CDH13: variants seen among roughly 807,000 people sequenced by gnomAD.
CDH13 encodes cadherin-13.
A neutral mutation model predicts 63.8 loss-of-function variants in CDH13; 24 were observed. That is an observed-to-expected ratio of 0.38 (90% CI 0.27 to 0.53). The LOEUF is 0.53. Ranked by LOEUF, CDH13 falls within the 20% of genes least tolerant of loss-of-function variation. The pLI is 0.85. For synonymous variants in CDH13, 503 were observed against 355.3 expected (o/e 1.42, Z -4.67); for missense variants, 1,049 against 903.1 (o/e 1.16, Z -2.07).
At chr16:83,373,892 G>A (rs956940172) in intron 6 of CDH13, among the ~76,000 whole-genome samples, 1 of 152,132 alleles carries the variant, frequency 6.6e-6, no homozygotes, top group Non-Finnish European at 1.5e-5. Context: ...ACCAGCATGG[G>A]ATACATCCAA....
At chr16:83,575,071 A>G (rs1007493764) in intron 7 of CDH13, among the ~76,000 whole-genome samples, 1 of 152,196 alleles carries the variant, frequency 6.6e-6, no homozygotes, top group African/African-American at 2.4e-5. Flanking sequence ...CATAAAAATG[A>G]ACGAAGCACT....
At chr16:83,694,779 C>T (rs1905216815) in intron 10 of CDH13, among the ~76,000 whole-genome samples, 1 of 152,138 alleles carries the variant, frequency 6.6e-6, no homozygotes, top group Admixed American at 6.5e-5. Context: ...GGCACTCTGC[C>T]CCAATACCTC....
rs1915659665 is a variant in CDH13 at position 83,783,330 on chromosome 16, A to G, written c.1992A>G (p.Ser664=). The G allele has an allele frequency of 6.2e-7, 1 of 1,613,992 alleles. No homozygotes were observed. The highest frequency in any genetic ancestry group is 1.3e-5 in the African/African-American group (1 of 75,038). Residue 664 remains serine, a synonymous_variant, in exon 13 of 14, where the codon TCA becomes TCG. Transcript: ENST00000567109. ...ACCTGCCCATCATGGTGACAGATTCAGGGAAACCACCCATGACGAATATCA... is the reference window on the plus strand; with the variant it reads ...ACCTGCCCATCATGGTGACAGATTCGGGGAAACCACCCATGACGAATATCA... ...NYNLPIMVTD[S]GKPPMTNITD...
intron 6 of CDH13, among the ~76,000 whole-genome samples, chr16:83,422,106 A>T (rs576276349): frequency 3.9e-5 from 6 of 152,354 alleles, no homozygotes; most frequent in African/African-American, 1.2e-4. Context: ...TTGTGGATTT[A>T]TAGTAGAACT....
At chr16:83,266,847 C>T (rs1010742046) in intron 5 of CDH13, among the ~76,000 whole-genome samples, 2 of 152,342 alleles carry the variant, frequency 1.3e-5, no homozygotes, top group East Asian at 3.9e-4. Context: ...ACACTCTTCA[C>T]TCACCATTCC....
In CDH13 at chr16:82,858,430, C is replaced by T. The variant is rs1486885182; in HGVS notation, c.114C>T (p.Ile38=). Residue 38 remains isoleucine (I), a synonymous_variant, in exon 2 of 14, where the codon ATC becomes ATT. Transcript: ENST00000567109. ...TPGFQQKVFH[I]NQPAEFIEDQ... is the part of the protein sequence containing the mutation. ...GATTTCAGCAGAAAGTGTTCCATAT[C>T]AATCAGCCAGCTGAATTCATTGAGG... 7 of 1,613,612 alleles carry T rather than the reference C, an allele frequency of 4.3e-6. No individual in the cohort carries two copies. The South Asian group carries it at 5.5e-5, about 13-fold the overall frequency.
At chr16:82,865,469 C>T (rs760503738) in intron 2 of CDH13, among the ~76,000 whole-genome samples, 11 of 152,246 alleles carry the variant, frequency 7.2e-5, no homozygotes, top group African/African-American at 1.2e-4. Flanking sequence ...GCAGGCCCAA[C>T]ACCACGTGTA....
At chr16:83,134,330 C>T (rs1441703907) in intron 4 of CDH13, among the ~76,000 whole-genome samples, 1 of 152,102 alleles carries the variant, frequency 6.6e-6, no homozygotes, top group East Asian at 1.9e-4. Flanking sequence ...ACTGGGATTA[C>T]AGGCGCCCGC....
chr16:83,568,877 T>C (rs1285978073), intron 7 of CDH13, among the ~76,000 whole-genome samples: 1 of 152,120 alleles, frequency 6.6e-6, no homozygotes, highest in African/African-American at 2.4e-5. Flanking sequence ...TGCCTCTCTT[T>C]CCTGGACCAT....
chr16:83,393,588 A>G (rs1442213896), intron 6 of CDH13, among the ~76,000 whole-genome samples: 6 of 152,204 alleles, frequency 3.9e-5, no homozygotes, highest in Admixed American at 3.9e-4. Flanking sequence ...GGAGACATAG[A>G]CATATATGTT....
chr16:83,019,652 C>A (rs538884249), intron 2 of CDH13, among the ~76,000 whole-genome samples: 13 of 151,518 alleles, frequency 8.6e-5, no homozygotes, highest in Non-Finnish European at 1.9e-4. Flanking sequence ...CCAGCCACCC[C>A]ACCCAGCTAA....
rs1398447008 is a variant in CDH13 at position 83,309,708 on chromosome 16, A to G, written c.637-35154A>G. 2.6e-5 allele frequency among the ~76,000 whole-genome samples: 4 copies of G among 152,236 alleles called. No individual in the cohort carries two copies. The South Asian group carries it at 6.2e-4, about 24-fold the overall frequency. ...CTGAAACTTGGAATGTCCTGTTGCA[A>G]TCCTTAGAGCACCTGTACTCAGGGT... is the stretch of plus-strand genomic sequence containing the variant. On this transcript the variant is annotated intron_variant, in intron 5 of 13. Coordinates refer to ENST00000567109, the MANE Select transcript of CDH13 (RefSeq NM_001257.5).
intron 1 of CDH13, among the ~76,000 whole-genome samples, chr16:82,792,973 G>A (rs59886220): frequency 0.3 from 45,676 of 152,196 alleles, 7,124 homozygotes; most frequent in South Asian, 0.45. Flanking sequence ...ATTCTTGCTT[G>A]CCCGCCTGGG....
At chr16:82,655,490 C>A (rs1020337939) in intron 1 of CDH13, among the ~76,000 whole-genome samples, 1 of 152,000 alleles carries the variant, frequency 6.6e-6, no homozygotes, top group East Asian at 1.9e-4. Flanking sequence ...GTGAGGCTAC[C>A]GCAGTGTCGG....
At chr16:83,705,457 C>T (rs925598280) in intron 10 of CDH13, among the ~76,000 whole-genome samples, 3 of 151,982 alleles carry the variant, frequency 2.0e-5, no homozygotes, top group African/African-American at 4.8e-5. Flanking sequence ...CCTGTCTCTA[C>T]TAAAAATACA....
At chr16:82,971,639 G>T (rs910473745) in intron 2 of CDH13, among the ~76,000 whole-genome samples, 5 of 152,170 alleles carry the variant, frequency 3.3e-5, no homozygotes, top group Non-Finnish European at 7.3e-5. Context: ...GCTGGGTGTA[G>T]TTCTGATATA....
At chr16:83,216,175 T>A (rs1163389366) in intron 4 of CDH13, among the ~76,000 whole-genome samples, 1 of 151,736 alleles carries the variant, frequency 6.6e-6, no homozygotes, top group Non-Finnish European at 1.5e-5. Context: ...TCTTCAAATG[T>A]CAAATCAAGG....
intron 3 of CDH13, among the ~76,000 whole-genome samples, chr16:83,060,636 C>T (rs939761698): frequency 4.6e-5 from 7 of 152,224 alleles, no homozygotes; most frequent in Admixed American, 1.3e-4. Context: ...AAGTTGAGCT[C>T]AGATCTGAAT....
intron 5 of CDH13, among the ~76,000 whole-genome samples, chr16:83,269,511 T>C (rs1053523079): frequency 6.7e-6 from 1 of 149,220 alleles, no homozygotes; most frequent in African/African-American, 2.5e-5. Context: ...CTTAGAATAG[T>C]GTGAGTTGTT....
Sources: allele counts gnomAD v4.1 joint callset (sites outside exome capture counted in the v4.1 genomes callset), GRCh38; gene constraint gnomAD v4.1.1; transcripts MANE v1.5; gene names NCBI Gene and HGNC (gene_info 2026-07-23, HGNC 2026-07-21).